Variants in NFRKB observed in about 807,000 individuals in gnomAD.
NFRKB encodes nuclear factor related to kappa-B-binding protein.
A neutral mutation model predicts 135.7 loss-of-function variants in NFRKB; 62 were observed. The ratio of observed to expected loss-of-function variants is 0.46; its 90% CI spans 0.37 to 0.56. The LOEUF (loss-of-function observed/expected upper bound fraction) is 0.56. Among genes scored for constraint, NFRKB ranks in the 20% least tolerant of loss-of-function variants. NFRKB has a pLI of 0.00. For synonymous variants in NFRKB, 678 were observed against 635.6 expected, an observed-to-expected ratio of 1.07 and a Z score of -1.00; for missense variants, 1,545 against 1,662.0, an observed-to-expected ratio of 0.93 and a Z score of 1.22.
chr11:129,890,025 T>C (rs1041097191), intron 3 of NFRKB, among the ~76,000 whole-genome samples: 1 of 103,494 alleles, frequency 9.7e-6, no homozygotes, highest in Non-Finnish European at 2.1e-5. Context: ...TTTTGGGTTT[T>C]TTTGTTTTTT....
At chr11:129,890,590 A>C (rs570972681) in intron 3 of NFRKB, among the ~76,000 whole-genome samples, 1 of 152,372 alleles carries the variant, frequency 6.6e-6, no homozygotes, top group Admixed American at 6.5e-5. Context: ...AAACTGGGTG[A>C]TGCATAGATG....
rs781598811 is a variant in NFRKB at position 129,873,060 on chromosome 11, T to C, written c.2587A>G (p.Thr863Ala). ...MATVPVKAQTTAATVQRPGPG... is the reference protein window; with the variant it reads ...MATVPVKAQTAAATVQRPGPG... Reference sequence around the variant, plus strand: ...CCAGGCCGCTGCACAGTGGCTGCCGTAGTCTGCGCTTTGACGGGCACAGTG... The same window carrying C: ...CCAGGCCGCTGCACAGTGGCTGCCGCAGTCTGCGCTTTGACGGGCACAGTG... Residue 863 changes from threonine (T) to alanine (A), a missense_variant, in exon 23 of 27, where the codon ACG (threonine) becomes GCG (alanine). Physicochemically the swap from Thr to Ala is moderately conservative, Grantham distance 58 (BLOSUM62 0). Coordinates refer to ENST00000682444, the MANE Select transcript of NFRKB (RefSeq NM_001143835.2). The C allele has an allele frequency of 1.2e-6, 2 of 1,613,040 alleles. No homozygotes were observed. Among genetic ancestry groups the C allele is most frequent in the Non-Finnish European group, 1.7e-6 (2 of 1,179,514 alleles).
chr11:129,889,318 T>G (rs922168068), intron 3 of NFRKB, among the ~76,000 whole-genome samples: 1 of 152,092 alleles, frequency 6.6e-6, no homozygotes, highest in Non-Finnish European at 1.5e-5. Flanking sequence ...AGACTACATA[T>G]GAGCCACAGT....
chr11:129,893,299 T>G (rs1204377435), intron 2 of NFRKB: 1 of 457,922 alleles, frequency 2.2e-6, no homozygotes, highest in Non-Finnish European at 4.3e-6. Context: ...ACACCTACAA[T>G]CTCAGTACTT....
intron 3 of NFRKB, among the ~76,000 whole-genome samples, chr11:129,890,031 T>TG (rs1454402575): frequency 1.4e-5 from 2 of 146,782 alleles, no homozygotes; most frequent in African/African-American, 2.6e-5. Flanking sequence ...GTTTTTTTGT[T>TG]TTTTTTTTTT....
intron 15 of NFRKB, among the ~76,000 whole-genome samples, 192 bp from the exon 16 acceptor site, chr11:129,877,577 G>C (rs1948826113): frequency 6.6e-6 from 1 of 152,160 alleles, no homozygotes; most frequent in Admixed American, 6.5e-5. Flanking sequence ...AAAATCACTT[G>C]ATTCTTAGAA....
intron 24 of NFRKB, among the ~76,000 whole-genome samples, chr11:129,867,045 T>G (rs1948226433): frequency 6.6e-6 from 1 of 152,198 alleles, no homozygotes; most frequent in African/African-American, 2.4e-5. Context: ...CAAAATGCCT[T>G]TGTTGCTTAA....
Position 129,888,578 on chromosome 11 carries a change from A to T in NFRKB, c.337+16T>A. On this transcript the variant is annotated intron_variant, in intron 4 of 26. Coordinates refer to ENST00000682444, the MANE Select transcript of NFRKB (RefSeq NM_001143835.2). The stretch of plus-strand genomic sequence containing the variant: ...ATCCACCACCCCCCTCAAAGAAAGA[A>T]TACTGAGCTACAAACCTCGGAAAAG... 1 of 1,613,698 alleles carries T rather than the reference A, an allele frequency of 6.2e-7. No homozygotes were observed. The highest frequency in any genetic ancestry group is 1.3e-5 in the African/African-American group (1 of 75,018).
intron 3 of NFRKB, among the ~76,000 whole-genome samples, chr11:129,889,031 T>C (rs1429416431): frequency 3.3e-5 from 5 of 151,714 alleles, no homozygotes; most frequent in Non-Finnish European, 7.4e-5. Flanking sequence ...CAGGCTGGAG[T>C]GCAATGGCAC....
In NFRKB at chr11:129,874,925, C is replaced by T; in HGVS notation, c.1855-9G>A. 3 of 1,614,010 alleles carry T rather than the reference C, an allele frequency of 1.9e-6. No homozygotes were observed. The highest frequency in any genetic ancestry group is 2.5e-6 in the Non-Finnish European group (3 of 1,179,958). On this transcript the variant is annotated splice_polypyrimidine_tract_variant and intron_variant, in intron 18 of 26. Coordinates refer to ENST00000682444, the MANE Select transcript of NFRKB (RefSeq NM_001143835.2). This position sits in a 1 kb window ranked among gnomAD's most constrained non-coding sequence, Gnocchi z 4.5. ...CTCACTACTGTATTTACCTACAAATCAGACAAAGGGAAATAAGAAACAAGT... is the reference window on the plus strand; with the variant it reads ...CTCACTACTGTATTTACCTACAAATTAGACAAAGGGAAATAAGAAACAAGT...
intron 3 of NFRKB, among the ~76,000 whole-genome samples, chr11:129,889,934 G>A (rs990542583): frequency 1.4e-5 from 2 of 138,398 alleles, no homozygotes; most frequent in Admixed American, 7.3e-5. Context: ...CTACATGCAC[G>A]TTTTATTATT....
chr11:129,892,147 C>T (rs934835871), intron 3 of NFRKB, among the ~76,000 whole-genome samples: 8 of 151,858 alleles, frequency 5.3e-5, no homozygotes, highest in Non-Finnish European at 1.0e-4. Flanking sequence ...GATTTTGGTG[C>T]GCCTATCACC....
chr11:129,878,190 T>C, intron 15 of NFRKB, 119 bp downstream of exon 15: 1 of 1,012,476 alleles, frequency 9.9e-7, no homozygotes, highest in Non-Finnish European at 1.5e-6. Context: ...ACCAGGGGAC[T>C]CCTCAGAGCT....
intron 24 of NFRKB, among the ~76,000 whole-genome samples, chr11:129,867,568 C>T (rs764323100): frequency 6.6e-6 from 1 of 152,146 alleles, no homozygotes; most frequent in Non-Finnish European, 1.5e-5. Flanking sequence ...CTGCCCACCT[C>T]GGCCTCCCAA....
chr11:129,868,831 A>G (rs1948344746), intron 24 of NFRKB, among the ~76,000 whole-genome samples: 1 of 152,136 alleles, frequency 6.6e-6, no homozygotes, highest in African/African-American at 2.4e-5. Flanking sequence ...GATTATCGCG[A>G]CCAGCATGGA....
intron 8 of NFRKB, 80 bp downstream of exon 8, chr11:129,883,990 T>C: frequency 1.4e-6 from 2 of 1,413,888 alleles, no homozygotes; most frequent in South Asian, 2.3e-5. Flanking sequence ...GAGGCAGTGA[T>C]GCCCCGTGTC....
chr11:129,864,985 T>G lies in NFRKB; in HGVS notation c.3755A>C (p.Gln1252Pro). ...CCTTACCTGTGTGGCCTGACCTTGC[T>G]GCTGAAGCTGCTGCAACTGCTGAGC... is the stretch of plus-strand genomic sequence containing the variant. ...LTAQQLQQLQ[Q>P]QGQATQVRIQ... is the part of the protein sequence containing the mutation. Residue 1252 changes from glutamine (Q) to proline (P), a missense_variant, in exon 26 of 27, where the codon CAG becomes CCG. By Grantham distance (76) the Gln-to-Pro change is moderately conservative. Around this residue, in one of 3 missense-constraint regions of NFRKB, gnomAD observed 753 missense variants for 804.3 expected, o/e 0.94. Coordinates refer to ENST00000682444, the MANE Select transcript of NFRKB (RefSeq NM_001143835.2). 1 of 1,613,398 alleles carries G rather than the reference T, an allele frequency of 6.2e-7. No individual in the cohort carries two copies. The highest frequency in any genetic ancestry group is 8.5e-7 in the Non-Finnish European group (1 of 1,179,854).
intron 4 of NFRKB, among the ~76,000 whole-genome samples, chr11:129,886,692 G>T (rs1183190783): frequency 1.3e-5 from 2 of 152,168 alleles, no homozygotes; most frequent in African/African-American, 2.4e-5. Context: ...CACTAGAACT[G>T]ACACATGGCA....
chr11:129,869,560 G>C lies in NFRKB; in HGVS notation c.3465C>G (p.Ile1155Met). ...ASGAASTPIS[I>M]STGAPTVRQV... Reference sequence around the variant, plus strand: ...GCCGCACGGTGGGGGCTCCTGTGCTGATGCTGATGGGGGTGCTTGCAGCCC... The same window carrying C: ...GCCGCACGGTGGGGGCTCCTGTGCTCATGCTGATGGGGGTGCTTGCAGCCC... The change falls in exon 24 of 27, where the codon ATC becomes ATG. Residue 1155 changes from isoleucine to methionine, a missense_variant. Physicochemically the swap from Ile to Met is conservative, Grantham distance 10. Around this residue, in one of 3 missense-constraint regions of NFRKB, gnomAD observed 753 missense variants for 804.3 expected, o/e 0.94. Transcript: ENST00000682444. 6.2e-7 allele frequency: 1 copy of C among 1,614,096 alleles called. No individual in the cohort carries two copies. The highest frequency in any genetic ancestry group is 8.5e-7 in the Non-Finnish European group (1 of 1,180,040).
Sources: gnomAD v4.1 joint callset for allele counts (sites outside exome capture counted in the v4.1 genomes callset) on GRCh38, gnomAD v4.1.1 for gene constraint, gnomAD v4.1.1 regional missense constraint, Gnocchi (gnomAD v3.1) non-coding constraint, MANE v1.5 for transcripts, NCBI Gene and HGNC (gene_info 2026-07-23, HGNC 2026-07-21) for gene names.